SSX2IP: variants seen among roughly 807,000 people sequenced by gnomAD.
The protein encoded by SSX2IP is SSX family member 2 interacting protein.
In SSX2IP, 55 loss-of-function variants were observed where a neutral mutation model predicts 84.9. The observed-to-expected ratio is 0.65, with a 90% CI of 0.52 to 0.81. SSX2IP has a LOEUF of 0.81. SSX2IP is among the 30% of genes least tolerant of loss of function. SSX2IP has a pLI of 0.00. For synonymous variants in SSX2IP, 239 were observed against 234.7 expected (o/e 1.02, Z -0.17); for missense variants, 664 against 705.2 (o/e 0.94, Z 0.66).
In SSX2IP at chr1:84,650,512, T is replaced by C. The variant is rs771683639; in HGVS notation, c.1520A>G (p.Asn507Ser). The stretch of plus-strand genomic sequence containing the variant: ...CGGCTGCCTCGAGTGCACTATAAGA[T>C]TGTCCCAATCAGAACCTGTTGTAAA... ...SAFSGSSDWDNLIVHSRQPQK... is the reference protein window; with the variant it reads ...SAFSGSSDWDSLIVHSRQPQK... Residue 507 changes from asparagine (N) to serine (S), a missense_variant, in exon 13 of 14, where the codon AAT (asparagine) becomes AGT (serine). Coordinates refer to ENST00000342203, the MANE Select transcript of SSX2IP (RefSeq NM_001166293.2). 21 of 1,614,004 alleles carry C rather than the reference T, an allele frequency of 1.3e-5. No individual in the cohort carries two copies. In the African/African-American group the frequency reaches 1.7e-4, roughly 13 times the overall value.
intron 8 of SSX2IP, 68 bp downstream of exon 8, chr1:84,662,130 C>G: frequency 9.3e-7 from 1 of 1,078,530 alleles, no homozygotes; most frequent in East Asian, 2.4e-5. Context: ...TTGAGAATGC[C>G]TACCACATAT....
chr1:84,669,274 T>C (rs1305136092), intron 4 of SSX2IP, among the ~76,000 whole-genome samples: 1 of 152,112 alleles, frequency 6.6e-6, no homozygotes, highest in Non-Finnish European at 1.5e-5. Context: ...GATTTAATTA[T>C]TGAGCCTTAG....
rs142410078 is a variant in SSX2IP at position 84,651,968 on chromosome 1, A to G, written c.1419T>C (p.Ser473=). Residue 473 remains serine, a synonymous_variant, in exon 12 of 14, where the codon AGT becomes AGC. Transcript: ENST00000342203. ...TATTTAGAAACTGCTGCTTTAACCA[A>G]CTGGCTCTTTCTTCTTCAAATGCCT... ...ERKAFEEERA[S]WLKQQFLNMT... 5.3e-5 allele frequency: 85 copies of G among 1,613,784 alleles called. No individual in the cohort carries two copies. Among genetic ancestry groups the G allele is most frequent in the Non-Finnish European group, 6.7e-5 (79 of 1,179,864 alleles).
At chr1:84,687,207 A>T (rs1655923526) in intron 1 of SSX2IP, among the ~76,000 whole-genome samples, 1 of 152,222 alleles carries the variant, frequency 6.6e-6, no homozygotes, top group Non-Finnish European at 1.5e-5. Context: ...AGTGTGGTAG[A>T]TCAAACCGAA....
chr1:84,670,136 C>T (rs954506184), intron 3 of SSX2IP: 15 of 290,072 alleles, frequency 5.2e-5, no homozygotes, highest in Non-Finnish European at 8.3e-5. Context: ...TATTATGAAA[C>T]ATCATGTTGA....
rs914969069 is a variant in SSX2IP at position 84,666,013 on chromosome 1, G to A, written c.537+109C>T. ...CCACCATATCAATTTGGGGAAAGAT[G>A]AATAAATGGTTCTTTCTTTTTTCAA... On this transcript the variant is annotated intron_variant, in intron 5 of 13. Coordinates refer to ENST00000342203, the MANE Select transcript of SSX2IP (RefSeq NM_001166293.2). 16 of 796,144 alleles carry A rather than the reference G, an allele frequency of 2.0e-5. No homozygotes were observed. In the African/African-American group the frequency reaches 2.7e-4, roughly 13 times the overall value. The allele number at this position is 796,144 out of a possible 1,614,324, so 49.3% of individuals were successfully genotyped here.
intron 1 of SSX2IP, among the ~76,000 whole-genome samples, chr1:84,671,667 T>A (rs1653600446): frequency 6.6e-6 from 1 of 152,156 alleles, no homozygotes; most frequent in Admixed American, 6.6e-5. Flanking sequence ...ATGAAAAACT[T>A]CTTCTTGGCC....
At chr1:84,686,615 A>T (rs1655822509) in intron 1 of SSX2IP, among the ~76,000 whole-genome samples, 1 of 152,194 alleles carries the variant, frequency 6.6e-6, no homozygotes, top group Non-Finnish European at 1.5e-5. Context: ...TTCATAAAGA[A>T]AAAAGGGGCA....
Position 84,662,189 on chromosome 1 carries a change from G to A in SSX2IP, c.927+9C>T. ...TGAAGACTGTATTAGAGAGGAAAGA[G>A]CCACTTACAGTTCCTGTACTATCAT... On this transcript the variant is annotated intron_variant, in intron 8 of 13. Coordinates refer to ENST00000342203, the MANE Select transcript of SSX2IP (RefSeq NM_001166293.2). 6.5e-7 allele frequency: 1 copy of A among 1,549,298 alleles called. No homozygotes were observed. Among genetic ancestry groups the A allele is most frequent in the Non-Finnish European group, 8.7e-7 (1 of 1,149,160 alleles).
chr1:84,660,895 CAAAAA>C (rs11362631), intron 8 of SSX2IP, among the ~76,000 whole-genome samples: 2 of 98,050 alleles, frequency 2.0e-5, no homozygotes, highest in Non-Finnish European at 3.9e-5. Flanking sequence ...TACTAAAATA[CAAAAA>C]AAAAAAAAAA....
chr1:84,669,577 C>T, intron 4 of SSX2IP, 104 bp downstream of exon 4: 2 of 959,504 alleles, frequency 2.1e-6, no homozygotes, highest in Non-Finnish European at 3.1e-6. Context: ...AAAAAGAAAA[C>T]CCTAAAGCTT....
chr1:84,674,476 A>G (rs1463076592), intron 1 of SSX2IP, among the ~76,000 whole-genome samples: 1 of 150,756 alleles, frequency 6.6e-6, no homozygotes, highest in Admixed American at 6.6e-5. Flanking sequence ...GTTGGGGGGA[A>G]AAAACAAGGT....
Position 84,662,449 on chromosome 1 carries a change from C to T in SSX2IP, c.749+6G>A. 1.9e-6 allele frequency: 3 copies of T among 1,613,670 alleles called. No individual in the cohort carries two copies. Among genetic ancestry groups the T allele is most frequent in the Non-Finnish European group, 2.5e-6 (3 of 1,179,776 alleles). ...ATTACATTTATCAATTTAAACTGGA[C>T]TTTACCTGGCTTCAGTTTTACCAGT... On this transcript the variant is annotated splice_donor_region_variant and intron_variant, in intron 7 of 13. Transcript: ENST00000342203.
At position 84,670,857 on chromosome 1, in the gene SSX2IP, CG is replaced by C. The variant is rs755711938; in HGVS notation, c.44-43del. The C allele has an allele frequency of 6.7e-6, 10 of 1,497,260 alleles. No individual in the cohort carries two copies. In the African/African-American group the frequency reaches 1.3e-4, roughly 19 times the overall value. The allele number at this position is 1,497,260 out of a possible 1,614,324, so 92.7% of individuals were successfully genotyped here. A position where few individuals can be genotyped will look rare whatever the true frequency, so the allele number is the denominator to read the frequency against. On this transcript the variant is annotated intron_variant, in intron 2 of 13. Transcript: ENST00000342203. ...CATCTATATAAATAATTTAGAAAAA[CG>C]TATGTAAAGCTAACATAATCGCCAT...
intron 4 of SSX2IP, among the ~76,000 whole-genome samples, chr1:84,667,220 T>C (rs942382384): frequency 2.0e-5 from 3 of 152,112 alleles, no homozygotes; most frequent in Admixed American, 6.6e-5. Flanking sequence ...CCTGAACATC[T>C]GCACACACCC....
chr1:84,660,800 C>A (rs1055680591), intron 8 of SSX2IP, among the ~76,000 whole-genome samples: 1 of 150,186 alleles, frequency 6.7e-6, no homozygotes, highest in Non-Finnish European at 1.5e-5. Context: ...CGCCTGTAAT[C>A]CTAGCACTTT....
intron 10 of SSX2IP, 139 bp downstream of exon 10, chr1:84,656,209 G>A (rs568217334): frequency 2.1e-6 from 2 of 953,936 alleles, no homozygotes; most frequent in African/African-American, 1.7e-5. Context: ...GGTACACAAT[G>A]TATCTGTTAG....
chr1:84,679,036 A>G (rs1654737077), intron 1 of SSX2IP, among the ~76,000 whole-genome samples: 1 of 152,234 alleles, frequency 6.6e-6, no homozygotes, highest in African/African-American at 2.4e-5. Flanking sequence ...AATCTCACAA[A>G]GTTAGAGTTA....
At chr1:84,650,556 C>T (rs1489093668) in intron 12 of SSX2IP, 29 bp from the exon 13 acceptor site, 1 of 1,613,186 alleles carries the variant, frequency 6.2e-7, no homozygotes, top group East Asian at 2.2e-5. Flanking sequence ...GAGAAAAAGG[C>T]AGTACATATG....
Sources: allele counts gnomAD v4.1 joint callset (sites outside exome capture counted in the v4.1 genomes callset), GRCh38; gene constraint gnomAD v4.1.1; transcripts MANE v1.5; gene names NCBI Gene and HGNC (gene_info 2026-07-23, HGNC 2026-07-21).